Variants in CAMTA1 observed in about 807,000 individuals in gnomAD.
CAMTA1 encodes calmodulin binding transcription activator 1.
CAMTA1 carries 27 observed loss-of-function variants against 170.9 expected under a neutral mutation model. The ratio of observed to expected loss-of-function variants is 0.16; its 90% CI spans 0.12 to 0.22. The LOEUF (loss-of-function observed/expected upper bound fraction) is 0.22, where lower values mean the gene tolerates loss of function less well. Among genes scored for constraint, CAMTA1 ranks in the 10% least tolerant of loss-of-function variants. The pLI, the probability that CAMTA1 is intolerant of heterozygous loss-of-function variation, is 1.00. For synonymous variants in CAMTA1, 833 were observed against 891.5 expected, an observed-to-expected ratio of 0.93 and a Z score of 1.17; for missense variants, 1,619 against 2,217.2, an observed-to-expected ratio of 0.73 and a Z score of 5.42.
At chr1:7,305,329 C>T (rs1185230412) in intron 5 of CAMTA1, among the ~76,000 whole-genome samples, 2 of 151,822 alleles carry the variant, frequency 1.3e-5, no homozygotes, top group Admixed American at 1.3e-4. Flanking sequence ...TTCTTGGCTA[C>T]TTCTGCTTGT....
At chr1:7,509,065 C>A (rs2094163592) in intron 6 of CAMTA1, among the ~76,000 whole-genome samples, 1 of 152,156 alleles carries the variant, frequency 6.6e-6, no homozygotes, top group Non-Finnish European at 1.5e-5. Flanking sequence ...TGTGGGTCCC[C>A]CCAGGCAAGA....
intron 9 of CAMTA1, among the ~76,000 whole-genome samples, chr1:7,667,005 C>T (rs1471116414): frequency 6.6e-6 from 1 of 152,180 alleles, no homozygotes; most frequent in Non-Finnish European, 1.5e-5. Flanking sequence ...TCTCCTGCCT[C>T]AGCCTGCCGA....
At chr1:7,360,004 C>T (rs2085420355) in intron 5 of CAMTA1, among the ~76,000 whole-genome samples, 1 of 152,146 alleles carries the variant, frequency 6.6e-6, no homozygotes, top group Non-Finnish European at 1.5e-5. Context: ...AGCCTCTCCC[C>T]TGGCTGCTGG....
chr1:7,179,400 T>C lies in CAMTA1; in HGVS notation c.303-70091T>C, dbSNP rs1201256643. Among the ~76,000 whole-genome samples the C allele has an allele frequency of 2.6e-5, 4 of 152,216 alleles. No individual in the cohort carries two copies. In the East Asian group the frequency reaches 5.8e-4, roughly 22 times the overall value. ...AATGGAATCAAGAAGATAGGTATTA[T>C]GGAGATATAGATATCTTTATGTATA... On this transcript the variant is annotated intron_variant, in intron 4 of 22. Coordinates refer to ENST00000303635, the MANE Select transcript of CAMTA1 (RefSeq NM_015215.4).
intron 1 of CAMTA1, among the ~76,000 whole-genome samples, chr1:6,801,326 C>G (rs1278272070): frequency 6.6e-6 from 1 of 152,024 alleles, no homozygotes; most frequent in Middle Eastern, 3.2e-3. Flanking sequence ...TTTTATCTGT[C>G]CTCTCCAAGT....
chr1:7,394,539 T>C (rs552428888), intron 5 of CAMTA1, among the ~76,000 whole-genome samples: 1 of 152,322 alleles, frequency 6.6e-6, no homozygotes, highest in African/African-American at 2.4e-5. Flanking sequence ...AATCAGATTA[T>C]TTGTTTTCTT....
intron 6 of CAMTA1, among the ~76,000 whole-genome samples, chr1:7,489,183 G>A (rs2093665295): frequency 5.9e-5 from 9 of 152,230 alleles, no homozygotes; most frequent in Admixed American, 5.9e-4. Flanking sequence ...CCTGGGAAGG[G>A]GGGCCATGAT....
intron 5 of CAMTA1, among the ~76,000 whole-genome samples, chr1:7,285,076 G>T (rs1035934844): frequency 6.6e-6 from 1 of 152,282 alleles, no homozygotes; most frequent in Middle Eastern, 3.4e-3. Flanking sequence ...CTTTTGGTCC[G>T]GCGGCCCCAG....
chr1:7,507,258 C>T (rs1030175537), intron 6 of CAMTA1, among the ~76,000 whole-genome samples: 2 of 152,140 alleles, frequency 1.3e-5, no homozygotes, highest in Non-Finnish European at 1.5e-5. Flanking sequence ...CATATTTGCA[C>T]ACTCGCACAC....
intron 5 of CAMTA1, among the ~76,000 whole-genome samples, chr1:7,398,203 A>C (rs1193841131): frequency 0.079 from 3,793 of 47,762 alleles, 68 homozygotes; most frequent in Non-Finnish European, 0.094. Flanking sequence ...CTATATATAT[A>C]TATATATATA....
chr1:7,281,832 TG>T (rs1671560580), intron 5 of CAMTA1, among the ~76,000 whole-genome samples: 1 of 151,590 alleles, frequency 6.6e-6, no homozygotes, highest in African/African-American at 2.4e-5. Flanking sequence ...TGTGTGTGTG[TG>T]TGTGTGTGTG....
intron 6 of CAMTA1, among the ~76,000 whole-genome samples, chr1:7,542,483 T>C (rs60358925): frequency 0.076 from 11,602 of 152,194 alleles, 651 homozygotes; most frequent in East Asian, 0.27. Flanking sequence ...TTGCCTAGGC[T>C]GCAGTGCAGT....
Position 7,704,988 on chromosome 1 carries a change from GCGTGGGGA to G in CAMTA1, c.2914+27257_2914+27264del, listed in dbSNP as rs2096494552. Among the ~76,000 whole-genome samples, 23 of 77,926 alleles carry G rather than the reference GCGTGGGGA, an allele frequency of 3.0e-4. 1 individual carries two copies. In the South Asian group the frequency reaches 0.01, roughly 35 times the overall value. 51.1% of individuals were successfully genotyped at this position (77,926 alleles called of 152,430 possible). A position where few individuals can be genotyped will look rare whatever the true frequency, so the allele number is the denominator to read the frequency against. On this transcript the variant is annotated intron_variant, in intron 11 of 22. Transcript: ENST00000303635. ...CGCGCGGGGCGGGGGCGGGGCCGGG[GCGTGGGGA>G]CACGCGTGCTCGCGGGCCGGGGGCG...
intron 6 of CAMTA1, among the ~76,000 whole-genome samples, chr1:7,533,821 G>T (rs543167821): frequency 6.6e-6 from 1 of 152,204 alleles, no homozygotes; most frequent in Non-Finnish European, 1.5e-5. Flanking sequence ...GCTGAGGCAG[G>T]AGAATCTCTT....
intron 11 of CAMTA1, among the ~76,000 whole-genome samples, chr1:7,721,106 G>A (rs1307067122): frequency 6.6e-6 from 1 of 152,178 alleles, no homozygotes; most frequent in East Asian, 1.9e-4. Flanking sequence ...AGGGATACAA[G>A]ACAAGGTCCC....
At chr1:7,758,039 T>C (rs957761354) in intron 22 of CAMTA1, among the ~76,000 whole-genome samples, 1 of 152,134 alleles carries the variant, frequency 6.6e-6, no homozygotes, top group African/African-American at 2.4e-5. Flanking sequence ...TGCATATATA[T>C]AGATAATCTT....
chr1:7,270,992 A>G (rs1209193704), intron 5 of CAMTA1, among the ~76,000 whole-genome samples: 2 of 152,244 alleles, frequency 1.3e-5, no homozygotes, highest in African/African-American at 4.8e-5. Context: ...GAAGTTAGAA[A>G]AAGAAAATGA....
chr1:7,497,158 T>C (rs2093841979), intron 6 of CAMTA1, among the ~76,000 whole-genome samples: 1 of 152,166 alleles, frequency 6.6e-6, no homozygotes, highest in Non-Finnish European at 1.5e-5. Flanking sequence ...ATGGCTTCTG[T>C]CAGACGGGAG....
At chr1:6,790,761 G>A (rs1028447797) in intron 1 of CAMTA1, among the ~76,000 whole-genome samples, 14 of 152,026 alleles carry the variant, frequency 9.2e-5, no homozygotes, top group Non-Finnish European at 1.9e-4. Context: ...TTTAATTTAT[G>A]CTTTTTAATG....
Sources: allele counts gnomAD v4.1 joint callset (sites outside exome capture counted in the v4.1 genomes callset), GRCh38; gene constraint gnomAD v4.1.1; transcripts MANE v1.5; gene names NCBI Gene and HGNC (gene_info 2026-07-23, HGNC 2026-07-21).